TMEM259: variants seen among roughly 807,000 people sequenced by gnomAD.
TMEM259 encodes the protein membralin.
A neutral mutation model predicts 46.7 loss-of-function variants in TMEM259; 26 were observed. That is an observed-to-expected ratio of 0.56 (90% CI 0.41 to 0.77). The LOEUF is 0.77. Among genes scored for constraint, TMEM259 ranks in the 30% least tolerant of loss-of-function variants. The pLI, the probability that TMEM259 is intolerant of heterozygous loss-of-function variation, is 0.00. For synonymous variants in TMEM259, 494 were observed against 395.1 expected (o/e 1.25, Z -2.97); for missense variants, 930 against 900.5 (o/e 1.03, Z -0.42).
rs746504731 is a variant in TMEM259 at position 1,010,105 on chromosome 19, G to A, written c.*245C>T. ...TACCAAGACCCCTCCAGAACCTTCC[G>A]CGGAACCCCACCCCCTCTCCTTGCT... On this transcript the variant is annotated 3_prime_UTR_variant, in exon 11 of 11. Transcript: ENST00000356663. 23 of 490,212 alleles carry A rather than the reference G, an allele frequency of 4.7e-5. No homozygotes were observed. In the East Asian group the frequency reaches 6.3e-4, roughly 13 times the overall value. The allele number at this position is 490,212 out of a possible 1,614,324, so 30.4% of individuals were successfully genotyped here. A position where few individuals can be genotyped will look rare whatever the true frequency, so the allele number is the denominator to read the frequency against.
intron 1 of TMEM259, among the ~76,000 whole-genome samples, chr19:1,015,198 A>G (rs2039069065): frequency 6.6e-6 from 1 of 152,184 alleles, no homozygotes; most frequent in African/African-American, 2.4e-5. Flanking sequence ...AGAGCGCCCC[A>G]CGGCAGGGCG....
chr19:1,017,798 A>G (rs924811412), intron 1 of TMEM259, among the ~76,000 whole-genome samples: 10 of 152,184 alleles, frequency 6.6e-5, no homozygotes, highest in African/African-American at 2.4e-4. Context: ...CCGCGGAGCC[A>G]CACTCTCCTC....
Position 1,010,025 on chromosome 19 carries a change from C to G in TMEM259, c.*325G>C. ...CTCTCCTCCACACCTCCGCCTTGCT[C>G]AGAGACCTGCACCATGGGACCCCAC... On this transcript the variant is annotated 3_prime_UTR_variant, in exon 11 of 11. Transcript: ENST00000356663. The G allele has an allele frequency of 5.4e-6, 2 of 369,038 alleles. No homozygotes were observed. Among genetic ancestry groups the G allele is most frequent in the Middle Eastern group, 7.1e-4 (1 of 1,410 alleles). 22.9% of individuals were successfully genotyped at this position (369,038 alleles called of 1,614,324 possible).
Position 1,012,173 on chromosome 19 carries a change from T to C in TMEM259, c.734A>G (p.Gln245Arg), listed in dbSNP as rs1457502701. The C allele has an allele frequency of 1.2e-6, 2 of 1,602,704 alleles. No homozygotes were observed. Among genetic ancestry groups the C allele is most frequent in the Non-Finnish European group, 1.7e-6 (2 of 1,175,552 alleles). The change falls in exon 5 of 11, where the codon CAG becomes CGG. Residue 245 changes from glutamine (Q) to arginine (R), a missense_variant. By Grantham distance (43) the Gln-to-Arg change is conservative. Transcript: ENST00000356663. ...GCGGCTGAAGCGGTCCCCGAAGCACTGGTCCCGCGTGGGGTCTGCGGGTGG... is the reference window on the plus strand; with the variant it reads ...GCGGCTGAAGCGGTCCCCGAAGCACCGGTCCCGCGTGGGGTCTGCGGGTGG... ...MVVTLDPTRDQCFGDRFSRLL... is the reference protein window; with the variant it reads ...MVVTLDPTRDRCFGDRFSRLL...
rs760855478 is a variant in TMEM259 at position 1,010,695 on chromosome 19, C to T, written c.1518G>A (p.Ser506=). ...AGQPPALGPV[S]PGASGSPGPV... ...GCCCGGGACTCCCGCTGGCCCCAGG[C>T]GAGACGGGGCCCAGGGCGGGGGGCT... The change falls in exon 11 of 11, where the codon TCG becomes TCA. Residue 506 remains serine (S), a synonymous_variant. Transcript: ENST00000356663. 2.5e-5 allele frequency: 38 copies of T among 1,529,878 alleles called. No individual in the cohort carries two copies. In the Admixed American group the frequency reaches 3.6e-4, roughly 14 times the overall value. 94.8% of individuals were successfully genotyped at this position (1,529,878 alleles called of 1,614,324 possible). A position where few individuals can be genotyped will look rare whatever the true frequency, so the allele number is the denominator to read the frequency against.
At chr19:1,017,803 C>G (rs1159038864) in intron 1 of TMEM259, among the ~76,000 whole-genome samples, 1 of 152,182 alleles carries the variant, frequency 6.6e-6, no homozygotes, top group African/African-American at 2.4e-5. Flanking sequence ...GAGCCACACT[C>G]TCCTCCCAGG....
intron 1 of TMEM259, among the ~76,000 whole-genome samples, chr19:1,017,026 A>G (rs954020071): frequency 2.6e-5 from 4 of 152,134 alleles, no homozygotes; most frequent in East Asian, 1.9e-4. Flanking sequence ...CTGACTGAGC[A>G]TGACCAGAAA....
At chr19:1,019,040 T>A (rs1339285799) in intron 1 of TMEM259, among the ~76,000 whole-genome samples, 3 of 149,136 alleles carry the variant, frequency 2.0e-5, no homozygotes, top group Non-Finnish European at 4.4e-5. Flanking sequence ...TCCAAAGCCC[T>A]CTGCTGAGAG....
At chr19:1,015,435 G>A (rs1449194470) in intron 1 of TMEM259, among the ~76,000 whole-genome samples, 2 of 152,196 alleles carry the variant, frequency 1.3e-5, no homozygotes, top group Admixed American at 6.5e-5. Context: ...CGTGCTGCAG[G>A]CACAACTCAG....
In TMEM259 at chr19:1,020,762, C is replaced by A; in HGVS notation, c.225+10G>T. On this transcript the variant is annotated intron_variant, in intron 1 of 10. Coordinates refer to ENST00000356663, the MANE Select transcript of TMEM259 (RefSeq NM_001033026.2). The surrounding 1 kb of genome is among the most constrained non-coding windows in gnomAD (Gnocchi z 4.0). ...TGGGGTCAAGGGTCGGGGGTCGGGGCCGCGGTCACCTTGAGCAGCACGAAG... is the reference window on the plus strand; with the variant it reads ...TGGGGTCAAGGGTCGGGGGTCGGGGACGCGGTCACCTTGAGCAGCACGAAG... The A allele has an allele frequency of 7.6e-7, 1 of 1,316,374 alleles. No individual in the cohort carries two copies. The highest frequency in any genetic ancestry group is 9.7e-7 in the Non-Finnish European group (1 of 1,025,708). 81.5% of individuals were successfully genotyped at this position (1,316,374 alleles called of 1,614,324 possible).
chr19:1,012,603 C>T (rs767620474), intron 3 of TMEM259, 30 bp from the exon 4 acceptor site: 6 of 1,548,432 alleles, frequency 3.9e-6, no homozygotes, highest in South Asian at 3.6e-5. Flanking sequence ...ACCAGGTCAG[C>T]GCCCCCACAC....
chr19:1,015,496 C>T (rs1203610588), intron 1 of TMEM259, among the ~76,000 whole-genome samples: 1 of 152,156 alleles, frequency 6.6e-6, no homozygotes, highest in East Asian at 1.9e-4. Flanking sequence ...CCAGGGAGCC[C>T]GCCTCACCGT....
intron 2 of TMEM259, chr19:1,013,720 G>A (rs1156355311): frequency 3.6e-6 from 1 of 277,198 alleles, no homozygotes; most frequent in East Asian, 8.5e-5. Flanking sequence ...ACCAGGCTGT[G>A]GGGCCCAACA....
At position 1,009,986 on chromosome 19, in the gene TMEM259, C is replaced by T; in HGVS notation, c.*364G>A. 3.0e-6 allele frequency: 1 copy of T among 328,570 alleles called. No individual in the cohort carries two copies. Among genetic ancestry groups the T allele is most frequent in the Non-Finnish European group, 5.5e-6 (1 of 180,420 alleles). The allele number at this position is 328,570 out of a possible 1,614,324, so 20.4% of individuals were successfully genotyped here. On this transcript the variant is annotated 3_prime_UTR_variant, in exon 11 of 11. Coordinates refer to ENST00000356663, the MANE Select transcript of TMEM259 (RefSeq NM_001033026.2). ...CGGCCGGCACTAGGGCGCGAGGCCC[C>T]ACCCCAAGCCGGCCTCTCCTCCACA...
rs555102377 is a variant in TMEM259 at position 1,011,192 on chromosome 19, G to A, written c.1221C>T (p.Phe407=). 34 of 1,592,942 alleles carry A rather than the reference G, an allele frequency of 2.1e-5. No individual in the cohort carries two copies. The highest frequency in any genetic ancestry group is 5.2e-5 in the Admixed American group (3 of 57,956). The part of the protein sequence containing the change: ...TSTSKRHWLR[F]FYLYHFAFYA... ...AGAAGGCGAAGTGGTAGAGATAGAA[G>A]AACCTGCGGGGCGGGGTGAGGGCGT... Residue 407 remains phenylalanine (F), a synonymous_variant, in exon 10 of 11, where the codon TTC becomes TTT. Coordinates refer to ENST00000356663, the MANE Select transcript of TMEM259 (RefSeq NM_001033026.2).
rs1238379151 is a variant in TMEM259 at position 1,010,253 on chromosome 19, G to A, written c.*97C>T. ...GAAAGCCCCCGACACAGGCTGGGCA[G>A]TCCCAGAGGAAGGAGGTGGCTGGCC... On this transcript the variant is annotated 3_prime_UTR_variant, in exon 11 of 11. Transcript: ENST00000356663. The A allele has an allele frequency of 3.4e-6, 4 of 1,173,516 alleles. No individual in the cohort carries two copies. Among genetic ancestry groups the A allele is most frequent in the Non-Finnish European group, 4.5e-6 (4 of 881,424 alleles). The allele number at this position is 1,173,516 out of a possible 1,614,324, so 72.7% of individuals were successfully genotyped here. A position where few individuals can be genotyped will look rare whatever the true frequency, so the allele number is the denominator to read the frequency against.
In TMEM259 at chr19:1,013,347, G is replaced by A. The variant is rs371537582; in HGVS notation, c.508-7C>T. On this transcript the variant is annotated splice_polypyrimidine_tract_variant and splice_region_variant and intron_variant, in intron 2 of 10. Coordinates refer to ENST00000356663, the MANE Select transcript of TMEM259 (RefSeq NM_001033026.2). ...GCTCGATGTCCAGCTCAAACTGTGG[G>A]CGACCAGGGACCTGGGTGTCAGCAG... 2.5e-6 allele frequency: 4 copies of A among 1,613,144 alleles called. No individual in the cohort carries two copies. The highest frequency in any genetic ancestry group is 3.4e-6 in the Non-Finnish European group (4 of 1,179,524).
intron 1 of TMEM259, among the ~76,000 whole-genome samples, chr19:1,019,729 G>A (rs1267674345): frequency 1.3e-5 from 2 of 152,178 alleles, no homozygotes; most frequent in South Asian, 2.1e-4. Flanking sequence ...CGCCAGCATC[G>A]GACCCCTCTT....
intron 1 of TMEM259, among the ~76,000 whole-genome samples, chr19:1,017,615 C>T (rs1041913674): frequency 1.3e-5 from 2 of 152,170 alleles, no homozygotes; most frequent in Non-Finnish European, 1.5e-5. Context: ...CCGTGCTCAC[C>T]GCCTCCTCCA....
Sources: gnomAD v4.1 joint callset for allele counts (sites outside exome capture counted in the v4.1 genomes callset) on GRCh38, gnomAD v4.1.1 for gene constraint, Gnocchi (gnomAD v3.1) non-coding constraint, MANE v1.5 for transcripts, NCBI Gene and HGNC (gene_info 2026-07-23, HGNC 2026-07-21) for gene names.